Variants in CDH18 observed in about 807,000 individuals in gnomAD.
The protein encoded by CDH18 is cadherin 18, also known as cadherin-18.
A neutral mutation model predicts 67.9 loss-of-function variants in CDH18; 31 were observed. The observed-to-expected ratio is 0.46, with a 90% confidence interval of 0.34 to 0.62. CDH18 has a LOEUF of 0.62. CDH18 is among the 20% of genes least tolerant of loss of function. The pLI, the probability that CDH18 is intolerant of heterozygous loss-of-function variation, is 0.01. For synonymous variants in CDH18, 362 were observed against 347.2 expected (o/e 1.04, Z -0.48); for missense variants, 890 against 975.5 (o/e 0.91, Z 1.17).
chr5:20,363,148 A>G (rs1349532324), intron 1 of CDH18, among the ~76,000 whole-genome samples: 1 of 152,190 alleles, frequency 6.6e-6, no homozygotes, highest in Non-Finnish European at 1.5e-5. Flanking sequence ...CCACTATACA[A>G]ATAGTTCCAA....
At chr5:19,556,222 A>G (rs1370138530) in intron 8 of CDH18, among the ~76,000 whole-genome samples, 1 of 152,220 alleles carries the variant, frequency 6.6e-6, no homozygotes, top group Non-Finnish European at 1.5e-5. Context: ...GTTCTTTAAC[A>G]TCCCAAAAAG....
At chr5:19,858,680 T>A (rs1784548863) in intron 2 of CDH18, among the ~76,000 whole-genome samples, 1 of 152,182 alleles carries the variant, frequency 6.6e-6, no homozygotes, top group African/African-American at 2.4e-5. Flanking sequence ...TTATACTATA[T>A]CAATCCATGG....
chr5:20,293,821 C>T (rs929103977), intron 1 of CDH18, among the ~76,000 whole-genome samples: 1 of 152,002 alleles, frequency 6.6e-6, no homozygotes, highest in Non-Finnish European at 1.5e-5. Flanking sequence ...ATATGAAGCT[C>T]AACATGTAAA....
At chr5:20,544,250 T>C (rs751963484) in intron 1 of CDH18, among the ~76,000 whole-genome samples, 2 of 152,008 alleles carry the variant, frequency 1.3e-5, no homozygotes, top group Non-Finnish European at 2.9e-5. Context: ...ATGGGGAAGA[T>C]TGCATGCATG....
chr5:19,811,142 GAAAGAAAGAAAGAAAGAAGGAGAGAA>G (rs1778659052), intron 3 of CDH18, among the ~76,000 whole-genome samples: 1 of 96,764 alleles, frequency 1.0e-5, no homozygotes, highest in Admixed American at 1.1e-4. Context: ...AAGAAAGAAA[GAAAGAAAGAAAGAAAGAAGGAGAGAA>G]AGAAAGAGAA....
intron 1 of CDH18, among the ~76,000 whole-genome samples, chr5:20,491,522 G>A (rs954362001): frequency 6.6e-6 from 1 of 152,170 alleles, no homozygotes; most frequent in Non-Finnish European, 1.5e-5. Context: ...TGAGCTGGCA[G>A]GTGGAGACCA....
intron 1 of CDH18, among the ~76,000 whole-genome samples, chr5:20,504,760 A>ATTT (rs70954666): frequency 7.4e-5 from 5 of 67,978 alleles, no homozygotes; most frequent in African/African-American, 2.2e-4. Context: ...ACAAAAGGGA[A>ATTT]TTTTTTTTTT....
chr5:20,044,150 T>A (rs1264764687), intron 2 of CDH18, among the ~76,000 whole-genome samples: 1 of 137,992 alleles, frequency 7.2e-6, no homozygotes, highest in African/African-American at 2.5e-5. Context: ...GTGATTTTTG[T>A]AAATCAAGAT....
chr5:20,213,562 T>C (rs1199424722), intron 2 of CDH18, among the ~76,000 whole-genome samples: 1 of 152,078 alleles, frequency 6.6e-6, no homozygotes, highest in Admixed American at 6.6e-5. Context: ...GAGCTCATTA[T>C]TGGTTTGTTC....
chr5:20,566,360 CTTT>C (rs529048391), intron 1 of CDH18, among the ~76,000 whole-genome samples: 4 of 119,256 alleles, frequency 3.4e-5, no homozygotes, highest in Admixed American at 8.7e-5. Context: ...TTTTCTTTTT[CTTT>C]TTTTTTTTTT....
At chr5:20,328,335 A>G (rs1439479046) in intron 1 of CDH18, among the ~76,000 whole-genome samples, 1 of 152,106 alleles carries the variant, frequency 6.6e-6, no homozygotes, top group Admixed American at 6.6e-5. Context: ...AGAAAGACCA[A>G]TTTTCACTGT....
chr5:20,275,523 G>A (rs188437750), intron 1 of CDH18, among the ~76,000 whole-genome samples: 16 of 152,072 alleles, frequency 1.1e-4, no homozygotes, highest in African/African-American at 3.6e-4. Context: ...TGACTAATAC[G>A]CCACTTAACA....
At chr5:19,588,911 A>C (rs1744657140) in intron 7 of CDH18, among the ~76,000 whole-genome samples, 2 of 152,120 alleles carry the variant, frequency 1.3e-5, no homozygotes, top group African/African-American at 4.8e-5. Context: ...GCTCTTAGAA[A>C]CCTTCAAAGA....
At chr5:19,606,784 A>G (rs351310) in intron 6 of CDH18, among the ~76,000 whole-genome samples, 121,802 of 151,642 alleles carry the variant, frequency 0.8, 49,113 homozygotes, top group East Asian at 1. Flanking sequence ...AAAAAATTCT[A>G]ACCAAGAGTT....
chr5:19,684,840 T>C (rs547684440), intron 5 of CDH18, among the ~76,000 whole-genome samples: 35 of 152,208 alleles, frequency 2.3e-4, no homozygotes, highest in East Asian at 1.9e-4. Context: ...AGCTCAAAAA[T>C]GTGTCGTCAA....
At position 19,728,939 on chromosome 5, in the gene CDH18, T is replaced by C. The variant is rs181023819; in HGVS notation, c.524-7473A>G. Among the ~76,000 whole-genome samples, 337 of 152,290 alleles carry C rather than the reference T, an allele frequency of 2.2e-3. 3 individuals carry two copies. The highest frequency in any genetic ancestry group is 7.7e-3 in the African/African-American group (320 of 41,564). ...AACTGTAATTTCACCAACAGACCAA[T>C]AACACTGCATTGTAGTCATTGTGTA... On this transcript the variant is annotated intron_variant, in intron 4 of 12. Transcript: ENST00000382275.
intron 1 of CDH18, among the ~76,000 whole-genome samples, chr5:20,550,884 C>G (rs1482192158): frequency 1.3e-5 from 2 of 152,116 alleles, no homozygotes; most frequent in Non-Finnish European, 2.9e-5. Context: ...TGGCAGAAGT[C>G]AAAGCAGGAG....
intron 1 of CDH18, among the ~76,000 whole-genome samples, chr5:20,565,489 G>C (rs1758450349): frequency 6.6e-6 from 1 of 152,040 alleles, no homozygotes; most frequent in African/African-American, 2.4e-5. Flanking sequence ...CATCTTCATT[G>C]ATATCAGGAA....
chr5:20,560,511 A>ACC (rs1554019519), intron 1 of CDH18, among the ~76,000 whole-genome samples: 41 of 146,302 alleles, frequency 2.8e-4, no homozygotes, highest in African/African-American at 5.9e-4. Context: ...ACACACACAC[A>ACC]CCCCTACATT....
Sources: gnomAD v4.1 joint callset for allele counts (sites outside exome capture counted in the v4.1 genomes callset) on GRCh38, gnomAD v4.1.1 for gene constraint, MANE v1.5 for transcripts, NCBI Gene and HGNC (gene_info 2026-07-23, HGNC 2026-07-21) for gene names.